Variants in TRIM54 observed in about 807,000 individuals in gnomAD.
TRIM54 encodes the protein tripartite motif containing 54, also known as tripartite motif-containing protein 54.
In TRIM54, 40 loss-of-function variants were observed where a neutral mutation model predicts 42.0. That is an observed-to-expected ratio of 0.95 (90% CI 0.74 to 1.24). TRIM54 has a LOEUF of 1.24. Among genes scored for constraint, TRIM54 ranks in the 50% most tolerant of loss-of-function variants. The pLI, the probability that TRIM54 is intolerant of heterozygous loss-of-function variation, is 0.00. For synonymous variants in TRIM54, 199 were observed against 194.9 expected, an observed-to-expected ratio of 1.02 and a Z score of -0.17; for missense variants, 485 against 480.3, an observed-to-expected ratio of 1.01 and a Z score of -0.09.
chr2:27,297,475 C>A (rs1025365945), intron 1 of TRIM54, among the ~76,000 whole-genome samples: 1 of 152,154 alleles, frequency 6.6e-6, no homozygotes, highest in Non-Finnish European at 1.5e-5. Flanking sequence ...AGATGTAAGC[C>A]GGAGGAAGTG....
intron 1 of TRIM54, among the ~76,000 whole-genome samples, chr2:27,284,184 A>C (rs1015054369): frequency 6.6e-6 from 1 of 152,232 alleles, no homozygotes; most frequent in Non-Finnish European, 1.5e-5. Flanking sequence ...TGGCTGGTTT[A>C]GTATGTGTGT....
chr2:27,292,561 G>A (rs1419268213), intron 1 of TRIM54, among the ~76,000 whole-genome samples: 1 of 152,164 alleles, frequency 6.6e-6, no homozygotes, highest in East Asian at 1.9e-4. Context: ...TTTGTAAAAT[G>A]CACATAACAT....
chr2:27,288,744 G>A (rs2148190141), intron 1 of TRIM54, among the ~76,000 whole-genome samples: 1 of 152,274 alleles, frequency 6.6e-6, no homozygotes, highest in Admixed American at 6.5e-5. Flanking sequence ...AGAGAACATA[G>A]GAAACAGGTC....
chr2:27,283,285 T>C (rs1678438818), intron 1 of TRIM54, among the ~76,000 whole-genome samples: 1 of 152,040 alleles, frequency 6.6e-6, no homozygotes, highest in Admixed American at 6.6e-5. Context: ...AAAAGATTAA[T>C]GAGATAATGA....
In TRIM54 at chr2:27,307,319, C is replaced by T. The variant is rs973476855; in HGVS notation, c.*434C>T. ...GGAGCCCCCCACAGCATTTTGTTCC[C>T]CTCCCGCTGGCCCGGGGGCCCCACC... On this transcript the variant is annotated 3_prime_UTR_variant, in exon 9 of 9. Coordinates refer to ENST00000380075, the MANE Select transcript of TRIM54 (RefSeq NM_187841.3). The surrounding 1 kb of genome is among the most constrained non-coding windows in gnomAD (Gnocchi z 6.9). The T allele has an allele frequency of 1.2e-6, 1 of 858,682 alleles. No homozygotes were observed. Among genetic ancestry groups the T allele is most frequent in the South Asian group, 1.8e-5 (1 of 55,998 alleles). The allele number at this position is 858,682 out of a possible 1,614,324, so 53.2% of individuals were successfully genotyped here. A position where few individuals can be genotyped will look rare whatever the true frequency, so the allele number is the denominator to read the frequency against.
At position 27,285,848 on chromosome 2, in the gene TRIM54, GGAC is replaced by G. The variant is rs573511549; in HGVS notation, c.168+2950_168+2952del. Among the ~76,000 whole-genome samples, 18 of 152,024 alleles carry G rather than the reference GGAC, an allele frequency of 1.2e-4. 1 individual carries two copies. The highest frequency in any genetic ancestry group is 4.1e-4 in the African/African-American group (17 of 41,332). On this transcript the variant is annotated intron_variant, in intron 1 of 8. Coordinates refer to ENST00000380075, the MANE Select transcript of TRIM54 (RefSeq NM_187841.3). ...TTGTTGTCCTAAAAACTGCCGTGAT[GGAC>G]AACAAACAAGAGTTTTTGGGAATTG...
chr2:27,307,435 A>C lies in TRIM54; in HGVS notation c.*550A>C. The C allele has an allele frequency of 1.3e-6, 2 of 1,579,980 alleles. No homozygotes were observed. The highest frequency in any genetic ancestry group is 2.3e-5 in the South Asian group (2 of 88,306). Reference sequence around the variant, plus strand: ...TACTTTTATTAAAAAATAGTCACGCAGACAGTGCCCTGGTGGCTCTGCCCC... The same window carrying C: ...TACTTTTATTAAAAAATAGTCACGCCGACAGTGCCCTGGTGGCTCTGCCCC... On this transcript the variant is annotated 3_prime_UTR_variant, in exon 9 of 9. Transcript: ENST00000380075. This position sits in a 1 kb window ranked among gnomAD's most constrained non-coding sequence, Gnocchi z 6.9.
intron 1 of TRIM54, among the ~76,000 whole-genome samples, chr2:27,287,586 C>T (rs554708134): frequency 1.9e-4 from 29 of 152,102 alleles, no homozygotes; most frequent in Admixed American, 6.5e-4. Flanking sequence ...TGCAGTGGCA[C>T]GATCATAGTC....
rs780979931 is a variant in TRIM54 at position 27,306,285 on chromosome 2, C to A, written c.939C>A (p.Thr313=). The change falls in exon 7 of 9, where the codon ACC becomes ACA. Residue 313 remains threonine (T), a synonymous_variant. Transcript: ENST00000380075. The surrounding 1 kb of genome is among the most constrained non-coding windows in gnomAD (Gnocchi z 6.1). ...EPGYESMEQF[T]VRVEHVAEML... ...GCTATGAGAGCATGGAGCAATTCAC[C>A]GTAAGGGTGGAGCACGTGGCCGAAA... is the stretch of plus-strand genomic sequence containing the variant. 24 of 1,614,126 alleles carry A rather than the reference C, an allele frequency of 1.5e-5. No individual in the cohort carries two copies. In the Admixed American group the frequency reaches 3.7e-4, roughly 25 times the overall value.
chr2:27,288,182 C>G (rs1444494313), intron 1 of TRIM54, among the ~76,000 whole-genome samples: 3 of 152,212 alleles, frequency 2.0e-5, no homozygotes, highest in South Asian at 2.1e-4. Context: ...CCAGCATATT[C>G]TGAGTGTCTG....
intron 1 of TRIM54, among the ~76,000 whole-genome samples, chr2:27,283,334 G>A (rs1340870921): frequency 6.6e-6 from 1 of 152,180 alleles, no homozygotes; most frequent in Non-Finnish European, 1.5e-5. Context: ...GACCCTGTGA[G>A]AAAGCTCCAT....
rs1252319470 is a variant in TRIM54 at position 27,305,035 on chromosome 2, A to T, written c.590A>T (p.Glu197Val). The T allele has an allele frequency of 3.7e-6, 6 of 1,613,708 alleles. No homozygotes were observed. The highest frequency in any genetic ancestry group is 4.5e-5 in the East Asian group (2 of 44,882). The change falls in exon 4 of 9, where the codon GAG becomes GTG. Residue 197 changes from glutamate (E) to valine (V), a missense_variant. By Grantham distance (121) the Glu-to-Val change is moderately radical (BLOSUM62 -2). Transcript: ENST00000380075. ...RVQAVITQME[E>V]VCQTIEDNSR... ...CAAGCAGTGATCACACAGATGGAGG[A>T]GGTGTGCCAGACTATCGAGGTGAGC...
At chr2:27,290,438 C>T (rs528298228) in intron 1 of TRIM54, among the ~76,000 whole-genome samples, 5 of 152,130 alleles carry the variant, frequency 3.3e-5, no homozygotes, top group South Asian at 4.2e-4. Flanking sequence ...GAGGGAGAGG[C>T]GGGCAGATCA....
In TRIM54 at chr2:27,304,859, G is replaced by A; in HGVS notation, c.514-100G>A. ...CTGTAGATGCCCTTATGGGGGGTGA[G>A]GTGGAAGGGCCAGCCCTCTCCTAGG... On this transcript the variant is annotated intron_variant, in intron 3 of 8. Transcript: ENST00000380075. 3 of 937,006 alleles carry A rather than the reference G, an allele frequency of 3.2e-6. No individual in the cohort carries two copies. The South Asian group carries it at 4.7e-5, about 15-fold the overall frequency. 58.0% of individuals were successfully genotyped at this position (937,006 alleles called of 1,614,324 possible).
At chr2:27,305,412 C>G (rs574397354) in intron 4 of TRIM54, 172 bp from the exon 5 acceptor site, 60 of 611,650 alleles carry the variant, frequency 9.8e-5, no homozygotes, top group Non-Finnish European at 1.6e-4. Context: ...TACTTTAAAG[C>G]ATTGTGTTTT....
chr2:27,292,444 C>T (rs78039287), intron 1 of TRIM54, among the ~76,000 whole-genome samples: 7,712 of 152,236 alleles, frequency 0.051, 255 homozygotes, highest in African/African-American at 0.088. Flanking sequence ...CATGGTGGCA[C>T]ACCTGCAGTC....
At chr2:27,291,362 AAAAC>A (rs201511991) in intron 1 of TRIM54, among the ~76,000 whole-genome samples, 4 of 152,206 alleles carry the variant, frequency 2.6e-5, no homozygotes, top group South Asian at 4.1e-4. Flanking sequence ...TCGCAAAACA[AAAAC>A]AAACAAACAA....
chr2:27,286,195 A>T (rs1389588664), intron 1 of TRIM54, among the ~76,000 whole-genome samples: 1 of 149,700 alleles, frequency 6.7e-6, no homozygotes, highest in African/African-American at 2.5e-5. Flanking sequence ...GTGTCACATT[A>T]TGTTACCCAG....
At chr2:27,293,879 C>T (rs553919008) in intron 1 of TRIM54, among the ~76,000 whole-genome samples, 6 of 151,728 alleles carry the variant, frequency 4.0e-5, no homozygotes, top group South Asian at 2.1e-4. Context: ...AAAAATTAGC[C>T]GGGCATGGTG....
Sources: gnomAD v4.1 joint callset for allele counts (sites outside exome capture counted in the v4.1 genomes callset) on GRCh38, gnomAD v4.1.1 for gene constraint, Gnocchi (gnomAD v3.1) non-coding constraint, MANE v1.5 for transcripts, NCBI Gene and HGNC (gene_info 2026-07-23, HGNC 2026-07-21) for gene names.